Variants in DNAJC11 observed in about 807,000 individuals in gnomAD.
The protein encoded by DNAJC11 is dnaJ homolog subfamily C member 11.
In DNAJC11, 15 loss-of-function variants were observed where a neutral mutation model predicts 78.6. That is an observed-to-expected ratio of 0.19 (90% CI 0.13 to 0.29). The LOEUF (loss-of-function observed/expected upper bound fraction) is 0.29. Among genes scored for constraint, DNAJC11 ranks in the 10% least tolerant of loss-of-function variants. The probability of loss-of-function intolerance (pLI) is 1.00; values close to 1 mark genes in which losing one functional copy is unlikely to be tolerated. For missense variants in DNAJC11, 547 were observed against 709.6 expected, an observed-to-expected ratio of 0.77 and a Z score of 2.60; for synonymous variants, 292 against 272.1, an observed-to-expected ratio of 1.07 and a Z score of -0.72.
chr1:6,667,168 C>T (rs149275647), intron 4 of DNAJC11, among the ~76,000 whole-genome samples: 1,578 of 152,334 alleles, frequency 0.01, 9 homozygotes, highest in Non-Finnish European at 0.017. Flanking sequence ...AACCCAGTGA[C>T]CGGTGGTCAC....
chr1:6,666,802 T>A (rs564375625), intron 4 of DNAJC11, among the ~76,000 whole-genome samples: 1 of 152,272 alleles, frequency 6.6e-6, no homozygotes, highest in South Asian at 2.1e-4. Context: ...TTGACACAGA[T>A]CATGGGAGAA....
rs762592647 is a variant in DNAJC11, at chr1:6,678,407, A to G, written c.263T>C (p.Met88Thr). 1 of 1,614,020 alleles carries G rather than the reference A, an allele frequency of 6.2e-7. No homozygotes were observed. The highest frequency in any genetic ancestry group is 1.1e-5 in the South Asian group (1 of 91,068). ...AGTTTCTCTTACCTCCCATCCTTCC[A>G]TTTCCAGTCCTCTCTTCCCATATAT... ...YDIYGKRGLEMEGWEVVERRR... is the reference protein window; with the variant it reads ...YDIYGKRGLETEGWEVVERRR... The change falls in exon 3 of 16, where the codon ATG becomes ACG. Residue 88 changes from methionine to threonine, a missense_variant. Met to Thr is a moderately conservative substitution (Grantham distance 81). Coordinates refer to ENST00000377577, the MANE Select transcript of DNAJC11 (RefSeq NM_018198.4).
chr1:6,657,900 C>A (rs1436805732), intron 4 of DNAJC11, among the ~76,000 whole-genome samples: 1 of 152,246 alleles, frequency 6.6e-6, no homozygotes, highest in Non-Finnish European at 1.5e-5. Flanking sequence ...CCACCTTGGC[C>A]TCCCAAAGTG....
chr1:6,683,649 G>T (rs1642589100), intron 1 of DNAJC11, among the ~76,000 whole-genome samples: 1 of 152,338 alleles, frequency 6.6e-6, no homozygotes, highest in East Asian at 1.9e-4. Flanking sequence ...TCACAATTCA[G>T]TTGTGGTATC....
chr1:6,679,480 T>TC (rs1352269540), intron 2 of DNAJC11, among the ~76,000 whole-genome samples: 1 of 152,120 alleles, frequency 6.6e-6, no homozygotes, highest in Non-Finnish European at 1.5e-5. Context: ...GTTGTTCTCT[T>TC]CCCCCTCTGC....
intron 1 of DNAJC11, 131 bp from the exon 2 acceptor site, chr1:6,681,168 G>GA (rs1489699745): frequency 1.2e-4 from 113 of 960,280 alleles, no homozygotes; most frequent in Non-Finnish European, 1.7e-4. Flanking sequence ...AGGATGTAAT[G>GA]AAGTTCGGTT....
chr1:6,666,385 C>CTTTTTTTTTTT (rs767579276), intron 4 of DNAJC11, among the ~76,000 whole-genome samples: 7 of 120,618 alleles, frequency 5.8e-5, no homozygotes, highest in African/African-American at 1.9e-4. Context: ...TCTTTCTTTT[C>CTTTTTTTTTTT]TTTTTTTTTT....
At chr1:6,700,230 T>C (rs184381258) in intron 1 of DNAJC11, among the ~76,000 whole-genome samples, 1 of 152,048 alleles carries the variant, frequency 6.6e-6, no homozygotes, top group Admixed American at 6.5e-5. Context: ...ATCCACCCCC[T>C]GCCCACAAAA....
chr1:6,693,930 C>T (rs756347656), intron 1 of DNAJC11, among the ~76,000 whole-genome samples: 5 of 150,748 alleles, frequency 3.3e-5, no homozygotes, highest in Non-Finnish European at 5.9e-5. Flanking sequence ...ACCTCCACCT[C>T]CCAGCAGAGA....
chr1:6,677,999 A>G (rs570545014), intron 3 of DNAJC11, among the ~76,000 whole-genome samples: 3 of 152,314 alleles, frequency 2.0e-5, no homozygotes, highest in African/African-American at 7.2e-5. Flanking sequence ...TGAGGTGGAG[A>G]GAGAGGCACA....
rs191826417 is a variant in DNAJC11 at position 6,658,726 on chromosome 1, C to A, written c.379-4687G>T. 1.8e-3 allele frequency among the ~76,000 whole-genome samples: 272 copies of A among 152,210 alleles called. 1 individual carries two copies. Among genetic ancestry groups the A allele is most frequent in the African/African-American group, 6.2e-3 (258 of 41,546 alleles). On this transcript the variant is annotated intron_variant, in intron 4 of 15. Transcript: ENST00000377577. ...TAAAAACTTACTTTATAGAGAAATT[C>A]TTTATAGGCCTATTTTTAAATTAGT...
At chr1:6,658,652 GA>G (rs5772247) in intron 4 of DNAJC11, among the ~76,000 whole-genome samples, 14 of 150,534 alleles carry the variant, frequency 9.3e-5, no homozygotes, top group South Asian at 6.3e-4. Context: ...AAAAAAAATT[GA>G]AAAAAAAAAT....
Position 6,644,691 on chromosome 1 carries a change from C to T in DNAJC11, c.981-17G>A, listed in dbSNP as rs547444975. ...AAGCCTGCTCTGCAGGGAGAGAACG[C>T]GGTCTGTGCCTGTGCCCCTCATTCA... On this transcript the variant is annotated splice_polypyrimidine_tract_variant and intron_variant, in intron 9 of 15. Transcript: ENST00000377577. The T allele has an allele frequency of 2.1e-5, 34 of 1,602,796 alleles. No individual in the cohort carries two copies. Among genetic ancestry groups the T allele is most frequent in the South Asian group, 5.5e-5 (5 of 90,842 alleles).
At chr1:6,654,116 A>G (rs1191861340) in intron 4 of DNAJC11, 77 bp from the exon 5 acceptor site, 1 of 1,554,962 alleles carries the variant, frequency 6.4e-7, no homozygotes, top group Non-Finnish European at 8.8e-7. Flanking sequence ...TTCAACAGCC[A>G]GCTCGCTTTA....
chr1:6,677,682 T>C (rs1045202829), intron 3 of DNAJC11, among the ~76,000 whole-genome samples: 2 of 152,188 alleles, frequency 1.3e-5, no homozygotes, highest in African/African-American at 4.8e-5. Flanking sequence ...ATTTTTCAGA[T>C]AGTAACATGG....
At chr1:6,691,172 C>G (rs1413450328) in intron 1 of DNAJC11, among the ~76,000 whole-genome samples, 1 of 133,406 alleles carries the variant, frequency 7.5e-6, no homozygotes, top group Non-Finnish European at 1.6e-5. Context: ...TTAGTAACAA[C>G]AGAATCCCAA....
intron 2 of DNAJC11, among the ~76,000 whole-genome samples, chr1:6,679,896 C>T (rs1309198071): frequency 2.0e-5 from 3 of 152,232 alleles, no homozygotes; most frequent in African/African-American, 7.2e-5. Context: ...CTACTCTTCA[C>T]AACCGCCATG....
intron 4 of DNAJC11, 72 bp downstream of exon 4, chr1:6,667,637 T>C (rs1557479277): frequency 1.6e-6 from 2 of 1,271,734 alleles, no homozygotes; most frequent in Non-Finnish European, 1.1e-6. Context: ...AGCACCTCAT[T>C]ATTTCAGACC....
At chr1:6,643,349 C>A (rs368162182) in intron 10 of DNAJC11, among the ~76,000 whole-genome samples, 62 of 150,672 alleles carry the variant, frequency 4.1e-4, no homozygotes, top group African/African-American at 1.5e-3. Flanking sequence ...CATCTCGACT[C>A]ACTGCAAGCT....
Sources: gnomAD v4.1 joint callset for allele counts (sites outside exome capture counted in the v4.1 genomes callset) on GRCh38, gnomAD v4.1.1 for gene constraint, MANE v1.5 for transcripts, NCBI Gene and HGNC (gene_info 2026-07-23, HGNC 2026-07-21) for gene names.